The following ANKAR variants were observed in gnomAD, a reference collection of about 807,000 sequenced individuals.
ANKAR encodes the protein ankyrin and armadillo repeat-containing protein.
In ANKAR, 136 loss-of-function variants were observed where a neutral mutation model predicts 146.2. That is an observed-to-expected ratio of 0.93 (90% CI 0.81 to 1.07). The LOEUF (loss-of-function observed/expected upper bound fraction) is 1.07. ANKAR is among the 50% of genes least tolerant of loss of function. The pLI, the probability that ANKAR is intolerant of heterozygous loss-of-function variation, is 0.00. For synonymous variants in ANKAR, 500 were observed against 575.8 expected (o/e 0.87, Z 1.88); for missense variants, 1,567 against 1,679.9 (o/e 0.93, Z 1.18).
In ANKAR at chr2:189,730,477, T is replaced by G. The variant is rs774690076; in HGVS notation, c.3194-18T>G. 1.4e-5 allele frequency: 20 copies of G among 1,461,746 alleles called. No individual in the cohort carries two copies. In the South Asian group the frequency reaches 2.2e-4, roughly 16 times the overall value. 90.5% of individuals were successfully genotyped at this position (1,461,746 alleles called of 1,614,324 possible). A position where few individuals can be genotyped will look rare whatever the true frequency, so the allele number is the denominator to read the frequency against. On this transcript the variant is annotated intron_variant, in intron 15 of 22. Coordinates refer to ENST00000684021, the MANE Select transcript of ANKAR (RefSeq NM_001378068.1). Reference sequence around the variant, plus strand: ...AAGATGGAAAAAAATATTACCTCACTGGCGTGGACTCTTACAGGTGTAGCC... The same window carrying G: ...AAGATGGAAAAAAATATTACCTCACGGGCGTGGACTCTTACAGGTGTAGCC...
downstream of ANKAR, chr2:189,762,688 C>T: frequency 1.0e-6 from 1 of 985,418 alleles, no homozygotes; most frequent in Non-Finnish European, 1.2e-6. Context: ...CACCCACCTT[C>T]CACTTGGGCG....
At chr2:189,700,812 A>T (rs542821027) in intron 7 of ANKAR, among the ~76,000 whole-genome samples, 12 of 152,206 alleles carry the variant, frequency 7.9e-5, no homozygotes, top group Non-Finnish European at 1.6e-4. Flanking sequence ...GACTTATTTC[A>T]CTTAACATAA....
downstream of ANKAR, chr2:189,750,458 A>G: frequency 3.4e-6 from 2 of 585,534 alleles, no homozygotes; most frequent in East Asian, 6.4e-5. Flanking sequence ...ATAGAAAAAA[A>G]AAAATAAAAT....
At chr2:189,746,662 T>C, downstream of ANKAR, 2 of 1,541,578 alleles carry the variant, frequency 1.3e-6, no homozygotes, top group Non-Finnish European at 8.7e-7. Context: ...TCCTGAGCCA[T>C]CTTTTAAAAA....
intron 11 of ANKAR, among the ~76,000 whole-genome samples, chr2:189,720,085 A>G (rs757912068): frequency 2.0e-5 from 3 of 152,162 alleles, no homozygotes; most frequent in East Asian, 1.9e-4. Flanking sequence ...TACAATGGCA[A>G]ATATTTCCTA....
downstream of ANKAR, chr2:189,761,330 G>T: frequency 7.4e-7 from 1 of 1,352,390 alleles, no homozygotes; most frequent in Non-Finnish European, 1.0e-6. Context: ...TAAGACAGTA[G>T]CTCCTGAAAA....
At chr2:189,730,652 T>G in intron 16 of ANKAR, 51 bp downstream of exon 16, 1 of 950,460 alleles carries the variant, frequency 1.1e-6, no homozygotes, top group Non-Finnish European at 1.5e-6. Flanking sequence ...ACAAATATAA[T>G]TTTAAGAAAA....
chr2:189,701,505 A>G (rs6708086), intron 7 of ANKAR, among the ~76,000 whole-genome samples: 149,583 of 152,362 alleles, frequency 0.98, 73,501 homozygotes, highest in East Asian at 1. Context: ...AAAGTGCTGG[A>G]ATTACAGGAG....
chr2:189,716,240 C>G (rs543243084), intron 10 of ANKAR, among the ~76,000 whole-genome samples: 1,642 of 152,286 alleles, frequency 0.011, 30 homozygotes, highest in African/African-American at 0.037. Context: ...CTTCAGCAAA[C>G]TCTCAGGATA....
At chr2:189,740,851 G>T (rs182969405) in intron 19 of ANKAR, among the ~76,000 whole-genome samples, 1 of 151,860 alleles carries the variant, frequency 6.6e-6, no homozygotes, top group Non-Finnish European at 1.5e-5. Context: ...GTACCACCAC[G>T]CCCGGCTAAT....
chr2:189,679,673 G>T (rs187603478), intron 2 of ANKAR, among the ~76,000 whole-genome samples: 2 of 152,162 alleles, frequency 1.3e-5, no homozygotes, highest in Non-Finnish European at 2.9e-5. Context: ...TAATCATAAA[G>T]CAATGCTGGA....
At chr2:189,681,500 G>A (rs138092695) in intron 2 of ANKAR, among the ~76,000 whole-genome samples, 1 of 152,296 alleles carries the variant, frequency 6.6e-6, no homozygotes, top group African/African-American at 2.4e-5. Flanking sequence ...GAGACACATA[G>A]GAACATTCTA....
chr2:189,742,965 CACACACACACACACA>C (rs1559147969), intron 20 of ANKAR, among the ~76,000 whole-genome samples: 55 of 139,936 alleles, frequency 3.9e-4, no homozygotes, highest in Non-Finnish European at 7.6e-4. Context: ...CACACACACA[CACACACACACACACA>C]CCCCTGAAAG....
At chr2:189,693,890 A>G (rs555040302) in intron 5 of ANKAR, among the ~76,000 whole-genome samples, 1 of 152,106 alleles carries the variant, frequency 6.6e-6, no homozygotes, top group Admixed American at 6.5e-5. Context: ...CTAGGATTAC[A>G]GGCATGCGCC....
chr2:189,758,636 T>A (rs2046461746), intron 18 of ANKAR, among the ~76,000 whole-genome samples: 1 of 152,216 alleles, frequency 6.6e-6, no homozygotes, highest in Non-Finnish European at 1.5e-5. Context: ...GTTATAATAT[T>A]CTTTCCATCT....
Position 189,696,388 on chromosome 2 carries a change from A to G in ANKAR, c.1708+19A>G. On this transcript the variant is annotated intron_variant, in intron 7 of 22. Coordinates refer to ENST00000684021, the MANE Select transcript of ANKAR (RefSeq NM_001378068.1). Reference sequence around the variant, plus strand: ...AGCCAAGGTACCATAAAGTTTTTTAACCTAAAATGTTGTTATTTTATTTAC... The same window carrying G: ...AGCCAAGGTACCATAAAGTTTTTTAGCCTAAAATGTTGTTATTTTATTTAC... The G allele has an allele frequency of 6.3e-7, 1 of 1,598,066 alleles. No homozygotes were observed.
chr2:189,761,651 T>C (rs2047078819), downstream of ANKAR: 3 of 1,542,812 alleles, frequency 1.9e-6, no homozygotes, highest in African/African-American at 2.8e-5. Flanking sequence ...ACTTACTCTA[T>C]AGATAATTCC....
At chr2:189,736,986 A>G (rs2042915068) in intron 17 of ANKAR, among the ~76,000 whole-genome samples, 1 of 151,624 alleles carries the variant, frequency 6.6e-6, no homozygotes, top group African/African-American at 2.4e-5. Flanking sequence ...AAGTGGGAGC[A>G]TTGCTTGAGC....
At chr2:189,683,978 G>T (rs1277273758) in intron 2 of ANKAR, among the ~76,000 whole-genome samples, 1 of 152,158 alleles carries the variant, frequency 6.6e-6, no homozygotes, top group African/African-American at 2.4e-5. Flanking sequence ...AGAGAATAGA[G>T]CACACCAAAA....
Sources: allele counts gnomAD v4.1 joint callset (sites outside exome capture counted in the v4.1 genomes callset), GRCh38; gene constraint gnomAD v4.1.1; transcripts MANE v1.5; gene names NCBI Gene and HGNC (gene_info 2026-07-23, HGNC 2026-07-21).